GAPVD1: variants seen among roughly 807,000 people sequenced by gnomAD.
GAPVD1 encodes the protein GTPase activating protein and VPS9 domains 1.
GAPVD1 carries 35 observed loss-of-function variants against 155.5 expected under a neutral mutation model. The observed-to-expected ratio is 0.23, with a 90% CI of 0.17 to 0.30. The LOEUF is 0.30. Ranked by LOEUF, GAPVD1 falls within the 10% of genes least tolerant of loss-of-function variation. The probability of loss-of-function intolerance (pLI) is 1.00; values close to 1 mark genes in which losing one functional copy is unlikely to be tolerated. For missense variants in GAPVD1, 1,429 were observed against 1,775.7 expected (o/e 0.80, Z 3.51); for synonymous variants, 636 against 619.7 (o/e 1.03, Z -0.39).
At chr9:125,356,405 G>A (rs994678321) in intron 25 of GAPVD1, among the ~76,000 whole-genome samples, 3 of 152,200 alleles carry the variant, frequency 2.0e-5, no homozygotes, top group Non-Finnish European at 4.4e-5. Context: ...CAAGATGCCA[G>A]TAATACCCCA....
chr9:125,330,506 A>G (rs943775147), intron 13 of GAPVD1, among the ~76,000 whole-genome samples: 1 of 151,638 alleles, frequency 6.6e-6, no homozygotes, highest in African/African-American at 2.4e-5. Flanking sequence ...TTAGAGAAAC[A>G]GGGTTTCACC....
At chr9:125,356,990 A>G (rs1468233685) in intron 25 of GAPVD1, among the ~76,000 whole-genome samples, 2 of 152,000 alleles carry the variant, frequency 1.3e-5, no homozygotes, top group Non-Finnish European at 2.9e-5. Context: ...TATTTTTTGT[A>G]GAGACGAGGT....
chr9:125,304,866 C>G (rs1841524133), intron 5 of GAPVD1, among the ~76,000 whole-genome samples, 197 bp from the exon 6 acceptor site: 1 of 152,140 alleles, frequency 6.6e-6, no homozygotes, highest in Non-Finnish European at 1.5e-5. Context: ...TTCTCTAACT[C>G]TTAATCTAAA....
intron 2 of GAPVD1, among the ~76,000 whole-genome samples, chr9:125,274,194 T>C (rs1835374543): frequency 6.6e-6 from 1 of 151,720 alleles, no homozygotes; most frequent in Non-Finnish European, 1.5e-5. Flanking sequence ...ATTTTTGTAT[T>C]TTTAGTAGAG....
intron 7 of GAPVD1, 48 bp from the exon 8 acceptor site, chr9:125,307,643 G>A (rs553884547): frequency 2.5e-6 from 4 of 1,577,706 alleles, no homozygotes; most frequent in Non-Finnish European, 3.5e-6. Flanking sequence ...AATACATATT[G>A]TATTTGAAAA....
rs1851461238 is a variant in GAPVD1 at position 125,366,206 on chromosome 9, GC to G, written c.*3461del. ...GGCTTTACAAATGTGTCCCTGAGGT[GC>G]GTGAGCAAGAGAACAATCTCAGCCC... is the stretch of plus-strand genomic sequence containing the variant. On this transcript the variant is annotated 3_prime_UTR_variant, in exon 28 of 28. Transcript: ENST00000297933. 1 of 152,176 alleles carries G rather than the reference GC, an allele frequency of 6.6e-6. No individual in the cohort carries two copies. The highest frequency in any genetic ancestry group is 2.1e-4 in the South Asian group (1 of 4,832). 9.4% of individuals were successfully genotyped at this position (152,176 alleles called of 1,614,324 possible). A position where few individuals can be genotyped will look rare whatever the true frequency, so the allele number is the denominator to read the frequency against.
chr9:125,315,716 C>G (rs560044404), intron 9 of GAPVD1, among the ~76,000 whole-genome samples: 1 of 152,082 alleles, frequency 6.6e-6, no homozygotes, highest in South Asian at 2.1e-4. Flanking sequence ...GCATACAGAT[C>G]CAAATGCTTA....
chr9:125,302,518 G>C lies in GAPVD1; in HGVS notation c.721G>C (p.Asp241His). Residue 241 changes from aspartate to histidine, a missense_variant, in exon 5 of 28, where the codon GAT (aspartate) becomes CAT (histidine). By Grantham distance (81) the Asp-to-His change is moderately conservative. Around this residue, in one of 4 missense-constraint regions of GAPVD1, gnomAD observed 628 missense variants for 733.4 expected, o/e 0.86. Coordinates refer to ENST00000297933, the MANE Select transcript of GAPVD1 (RefSeq NM_001282680.3). ...AAAACTCTTTGGAGAGAAGGGCTCA[G>C]ATAGATTCAGGCAAAAAGTTCAAGA... ...QEKLFGEKGS[D>H]RFRQKVQEMV... 1 of 1,613,958 alleles carries C rather than the reference G, an allele frequency of 6.2e-7. No individual in the cohort carries two copies. The highest frequency in any genetic ancestry group is 8.5e-7 in the Non-Finnish European group (1 of 1,179,990).
In GAPVD1 at chr9:125,324,960, C is replaced by T. The variant is rs143379054; in HGVS notation, c.1858+1037C>T. On this transcript the variant is annotated intron_variant, in intron 11 of 27. Coordinates refer to ENST00000297933, the MANE Select transcript of GAPVD1 (RefSeq NM_001282680.3). ...ATGCCCTTGGCCAGGTACAGTGGCT[C>T]GTGCCTGTAATCCCAGCACTTTGGG... Among the ~76,000 whole-genome samples, 431 of 152,190 alleles carry T rather than the reference C, an allele frequency of 2.8e-3. 1 individual carries two copies. The highest frequency in any genetic ancestry group is 1.0e-2 in the African/African-American group (413 of 41,506).
intron 9 of GAPVD1, among the ~76,000 whole-genome samples, chr9:125,318,909 C>T (rs577209136): frequency 6.6e-6 from 1 of 152,188 alleles, no homozygotes. Context: ...GGCGCAGTGG[C>T]TCACACCTGT....
chr9:125,350,724 G>A lies in GAPVD1; in HGVS notation c.3421G>A (p.Val1141Ile), dbSNP rs1849177533. The change falls in exon 23 of 28, where the codon GTA becomes ATA. Residue 1141 changes from valine to isoleucine, a missense_variant. Physicochemically the swap from Val to Ile is conservative, Grantham distance 29 (BLOSUM62 3). Transcript: ENST00000297933. Reference sequence around the variant, plus strand: ...TATCTTTTATTTAGACAATGAAATTGTATGCTTCTTAAAAGTTCAAATAGC... The same window carrying A: ...TATCTTTTATTTAGACAATGAAATTATATGCTTCTTAAAAGTTCAAATAGC... ...DHTDPEDNEI[V>I]CFLKVQIAEA... 2 of 1,516,162 alleles carry A rather than the reference G, an allele frequency of 1.3e-6. No individual in the cohort carries two copies. Among genetic ancestry groups the A allele is most frequent in the African/African-American group, 1.4e-5 (1 of 72,978 alleles). The allele number at this position is 1,516,162 out of a possible 1,614,324, so 93.9% of individuals were successfully genotyped here.
chr9:125,311,514 G>C (rs1468690082), intron 8 of GAPVD1, among the ~76,000 whole-genome samples: 1 of 152,064 alleles, frequency 6.6e-6, no homozygotes, highest in Non-Finnish European at 1.5e-5. Flanking sequence ...CCAGCTACTT[G>C]GGAGGCTGAG....
chr9:125,278,944 A>G (rs1164420722), intron 2 of GAPVD1, among the ~76,000 whole-genome samples: 1 of 149,704 alleles, frequency 6.7e-6, no homozygotes, highest in Non-Finnish European at 1.5e-5. Context: ...GGGCACAGTG[A>G]CTCATGCCTG....
intron 1 of GAPVD1, among the ~76,000 whole-genome samples, chr9:125,267,885 A>T (rs1353435993): frequency 6.6e-6 from 1 of 151,996 alleles, no homozygotes; most frequent in African/African-American, 2.4e-5. Flanking sequence ...TTATTCGGCC[A>T]GGCACAGTGG....
chr9:125,350,362 C>T lies in GAPVD1; in HGVS notation c.3367C>T (p.His1123Tyr), dbSNP rs1460288918. The T allele has an allele frequency of 1.2e-6, 2 of 1,608,730 alleles. No individual in the cohort carries two copies. The highest frequency in any genetic ancestry group is 1.7e-6 in the Non-Finnish European group (2 of 1,178,460). ...ADSVAFPVLT[H>Y]STRNGLPDHT... ...CTCTGTTGCCTTCCCAGTGCTGACCCATTCAACAAGGAATGGTTTACCAGA... is the reference window on the plus strand; with the variant it reads ...CTCTGTTGCCTTCCCAGTGCTGACCTATTCAACAAGGAATGGTTTACCAGA... The change falls in exon 22 of 28, where the codon CAT becomes TAT. Residue 1123 changes from histidine to tyrosine, a missense_variant. Physicochemically the swap from His to Tyr is moderately conservative, Grantham distance 83 (BLOSUM62 2). Transcript: ENST00000297933.
chr9:125,347,070 T>A (rs1227293106), intron 20 of GAPVD1, 129 bp downstream of exon 20: 5 of 848,766 alleles, frequency 5.9e-6, no homozygotes, highest in Non-Finnish European at 9.2e-6. Flanking sequence ...AATTACAGAC[T>A]GCCTAAACAA....
intron 19 of GAPVD1, among the ~76,000 whole-genome samples, chr9:125,343,972 T>C (rs1192326074): frequency 1.3e-5 from 2 of 152,232 alleles, no homozygotes; most frequent in African/African-American, 4.8e-5. Flanking sequence ...ATTTTACTTA[T>C]CCTCTTTAGG....
chr9:125,305,809 A>G (rs1841698187), intron 6 of GAPVD1, among the ~76,000 whole-genome samples: 1 of 151,886 alleles, frequency 6.6e-6, no homozygotes, highest in South Asian at 2.1e-4. Context: ...GCACACCACC[A>G]TGCCCGGCTA....
chr9:125,360,797 C>A, intron 27 of GAPVD1, 72 bp downstream of exon 27: 1 of 1,083,434 alleles, frequency 9.2e-7, no homozygotes, highest in Non-Finnish European at 1.4e-6. Context: ...CTTCACACAA[C>A]CATAGATATC....
Sources: allele counts gnomAD v4.1 joint callset (sites outside exome capture counted in the v4.1 genomes callset), GRCh38; gene constraint gnomAD v4.1.1; regional missense constraint gnomAD v4.1.1; transcripts MANE v1.5; gene names NCBI Gene and HGNC (gene_info 2026-07-23, HGNC 2026-07-21).